PLA2G4E: variants seen among roughly 807,000 people sequenced by gnomAD.
PLA2G4E encodes phospholipase A2 group IVE.
PLA2G4E carries 84 observed loss-of-function variants against 109.1 expected under a neutral mutation model. The observed-to-expected ratio is 0.77, with a 90% CI of 0.65 to 0.92. PLA2G4E has a LOEUF of 0.92. PLA2G4E is among the 40% of genes least tolerant of loss of function. The pLI is 0.00. For synonymous variants in PLA2G4E, 469 were observed against 436.1 expected (o/e 1.08, Z -0.94); for missense variants, 1,057 against 1,076.6 (o/e 0.98, Z 0.25).
intron 1 of PLA2G4E, among the ~76,000 whole-genome samples, chr15:42,027,463 G>C (rs996745478): frequency 3.9e-5 from 6 of 152,118 alleles, no homozygotes; most frequent in African/African-American, 1.4e-4. Flanking sequence ...CCCAGATGTT[G>C]CTGCCACTGC....
chr15:42,019,019 G>A lies in PLA2G4E; in HGVS notation c.184-5262C>T, dbSNP rs1236212550. ...ATCTAACCTTCCAACCACCGCCAAG[G>A]AAGGCATCATTATCCCTGCTTTACA... On this transcript the variant is annotated intron_variant, in intron 1 of 19. Transcript: ENST00000399518. Among the ~76,000 whole-genome samples the A allele has an allele frequency of 2.0e-5, 3 of 152,198 alleles. No homozygotes were observed. In the East Asian group the frequency reaches 5.8e-4, roughly 29 times the overall value.
intron 1 of PLA2G4E, among the ~76,000 whole-genome samples, chr15:42,022,357 CGCGGGTGG>C (rs1351334306): frequency 6.6e-6 from 1 of 152,068 alleles, no homozygotes; most frequent in Non-Finnish European, 1.5e-5. Context: ...TTAATTTTTC[CGCGGGTGG>C]GCGGGAGATG....
At chr15:42,021,265 C>A (rs187842516) in intron 1 of PLA2G4E, among the ~76,000 whole-genome samples, 1 of 151,976 alleles carries the variant, frequency 6.6e-6, no homozygotes, top group East Asian at 1.9e-4. Context: ...AGTCTGTAGC[C>A]CCCAGCCACT....
Position 42,035,727 on chromosome 15 carries a change from C to T in PLA2G4E, c.183+14794G>A, listed in dbSNP as rs552163584. Among the ~76,000 whole-genome samples, 12 of 152,270 alleles carry T rather than the reference C, an allele frequency of 7.9e-5. No homozygotes were observed. The South Asian group carries it at 2.5e-3, about 32-fold the overall frequency. ...TGATTGGGTAAGGAGCACCCTGGGG[C>T]CTTTGACTCTGTCACCAGTGTGATT... On this transcript the variant is annotated intron_variant, in intron 1 of 19. Coordinates refer to ENST00000399518, the Ensembl canonical transcript of PLA2G4E.
chr15:41,989,111 G>A (rs1469814026), intron 15 of PLA2G4E, among the ~76,000 whole-genome samples: 1 of 152,138 alleles, frequency 6.6e-6, no homozygotes, highest in African/African-American at 2.4e-5. Flanking sequence ...CCCAGGTCTG[G>A]GTTGGCCCCT....
intron 7 of PLA2G4E, 69 bp downstream of exon 7, chr15:42,001,088 T>C (rs896078811): frequency 4.1e-5 from 61 of 1,487,998 alleles, no homozygotes; most frequent in Non-Finnish European, 4.5e-5. Context: ...AGGTGGAGTC[T>C]GATGCTGATG....
At chr15:41,983,924 C>T in exon 20 of PLA2G4E, 1 of 1,612,960 alleles carries the variant, frequency 6.2e-7, no homozygotes, top group Admixed American at 1.7e-5. Flanking sequence ...GTTTTGGGAC[C>T]ATAAATGTCC....
intron 1 of PLA2G4E, among the ~76,000 whole-genome samples, chr15:42,025,196 A>G (rs2068682856): frequency 6.8e-6 from 1 of 148,042 alleles, no homozygotes; most frequent in South Asian, 2.2e-4. Flanking sequence ...ACTCTGTCTC[A>G]AAAAAGAAAA....
chr15:41,997,340 T>C, intron 10 of PLA2G4E, 81 bp from the exon 11 acceptor site: 1 of 1,378,912 alleles, frequency 7.3e-7, no homozygotes, highest in Non-Finnish European at 9.5e-7. Context: ...CCATTGGACC[T>C]AGGCTCAAAG....
In PLA2G4E at chr15:42,019,292, G is replaced by A. The variant is rs534322549; in HGVS notation, c.184-5535C>T. 2.9e-4 allele frequency among the ~76,000 whole-genome samples: 44 copies of A among 152,314 alleles called. No homozygotes were observed. In the South Asian group the frequency reaches 7.7e-3, roughly 27 times the overall value. On this transcript the variant is annotated intron_variant, in intron 1 of 19. Coordinates refer to ENST00000399518, the Ensembl canonical transcript of PLA2G4E. ...CTCCCTATACCCCAAGAATCTAGCC[G>A]TTACCACAAATCAGTCAAAAGAATA...
At chr15:41,996,761 C>T (rs960384651) in intron 11 of PLA2G4E, among the ~76,000 whole-genome samples, 5 of 152,208 alleles carry the variant, frequency 3.3e-5, no homozygotes, top group African/African-American at 9.7e-5. Flanking sequence ...AAAGAAGGAC[C>T]TAAGGCCTTT....
rs148362382 is a variant in PLA2G4E at position 42,004,490 on chromosome 15, C to G, written c.566+448G>C. On this transcript the variant is annotated intron_variant, in intron 5 of 19. Coordinates refer to ENST00000399518, the Ensembl canonical transcript of PLA2G4E. ...GCCTGAGCCTCCCATTGACGTGGTT[C>G]CAGAGTTGGCTGCAGAGTTGGCTGC... Among the ~76,000 whole-genome samples the G allele has an allele frequency of 2.4e-4, 37 of 152,090 alleles. No homozygotes were observed. The East Asian group carries it at 7.2e-3, about 29-fold the overall frequency.
At chr15:42,005,276 G>A (rs2068463798) in intron 4 of PLA2G4E, among the ~76,000 whole-genome samples, 2 of 152,158 alleles carry the variant, frequency 1.3e-5, no homozygotes, top group South Asian at 2.1e-4. Flanking sequence ...GCTTCCCACC[G>A]CTCTCCTGCC....
intron 1 of PLA2G4E, among the ~76,000 whole-genome samples, chr15:42,041,603 A>C (rs978668182): frequency 6.6e-6 from 1 of 152,246 alleles, no homozygotes; most frequent in Non-Finnish European, 1.5e-5. Context: ...TCAGATGACA[A>C]GGAAGGACAC....
intron 19 of PLA2G4E, 82 bp from the exon 20 acceptor site, chr15:41,984,056 A>G: frequency 8.1e-7 from 1 of 1,237,598 alleles, no homozygotes; most frequent in Non-Finnish European, 1.2e-6. Context: ...CCCAAGGCCC[A>G]CCAACCTGCA....
At chr15:41,983,827 T>G in exon 20 of PLA2G4E, 1 of 1,611,556 alleles carries the variant, frequency 6.2e-7, no homozygotes, top group Admixed American at 1.7e-5. Flanking sequence ...GAGAGTGTCC[T>G]TATTATTCAG....
At chr15:41,986,638 C>A (rs931180532) in intron 17 of PLA2G4E, among the ~76,000 whole-genome samples, 2 of 152,078 alleles carry the variant, frequency 1.3e-5, no homozygotes, top group Non-Finnish European at 2.9e-5. Flanking sequence ...CTATCTCAGC[C>A]CCCAAGTAGC....
rs558342153 is a variant in PLA2G4E, at chr15:42,027,444, C to T, written c.184-13687G>A. Among the ~76,000 whole-genome samples the T allele has an allele frequency of 2.6e-5, 4 of 152,216 alleles. No homozygotes were observed. The East Asian group carries it at 5.8e-4, about 22-fold the overall frequency. ...CTCAGGTGAGATATTTTTTTCCCTCCAGCTTTTTCCCAGATGTTGCTGCCA... is the reference window on the plus strand; with the variant it reads ...CTCAGGTGAGATATTTTTTTCCCTCTAGCTTTTTCCCAGATGTTGCTGCCA... On this transcript the variant is annotated intron_variant, in intron 1 of 19. Transcript: ENST00000399518.
chr15:42,033,995 T>C (rs942994499), intron 1 of PLA2G4E, among the ~76,000 whole-genome samples: 4 of 152,152 alleles, frequency 2.6e-5, no homozygotes, highest in Admixed American at 1.3e-4. Context: ...TCCGGTGATG[T>C]AGAAATTCAG....
Sources: gnomAD v4.1 joint callset for allele counts (sites outside exome capture counted in the v4.1 genomes callset) on GRCh38, gnomAD v4.1.1 for gene constraint, MANE v1.5 for transcripts, NCBI Gene and HGNC (gene_info 2026-07-23, HGNC 2026-07-21) for gene names.